The following EPHA6 variants were observed in gnomAD, a reference collection of about 807,000 sequenced individuals.
EPHA6 encodes the protein EPH receptor A6.
EPHA6 carries 50 observed loss-of-function variants against 112.0 expected under a neutral mutation model. That is an observed-to-expected ratio of 0.45 (90% CI 0.36 to 0.56). EPHA6 has a LOEUF of 0.56. EPHA6 is among the 20% of genes least tolerant of loss of function. The pLI is 0.00. For synonymous variants in EPHA6, 529 were observed against 490.7 expected, an observed-to-expected ratio of 1.08 and a Z score of -1.03; for missense variants, 1,280 against 1,417.4, an observed-to-expected ratio of 0.90 and a Z score of 1.56.
At chr3:97,371,944 C>T (rs761738035) in intron 5 of EPHA6, among the ~76,000 whole-genome samples, 7 of 152,086 alleles carry the variant, frequency 4.6e-5, no homozygotes, top group Admixed American at 6.6e-5. Context: ...TTGGTCAGAA[C>T]GGTTGTCTGC....
chr3:96,875,538 GA>G, intron 2 of EPHA6, among the ~76,000 whole-genome samples: 1 of 152,170 alleles, frequency 6.6e-6, no homozygotes, highest in South Asian at 2.1e-4. Context: ...AAAAGTAACA[GA>G]AAAGCAGGTA....
chr3:97,107,064 G>A (rs2047590959), intron 3 of EPHA6, among the ~76,000 whole-genome samples: 1 of 151,978 alleles, frequency 6.6e-6, no homozygotes, highest in South Asian at 2.1e-4. Flanking sequence ...GGTATTTAAA[G>A]GTTGAATGAA....
At chr3:97,077,768 C>T (rs1230685433) in intron 3 of EPHA6, among the ~76,000 whole-genome samples, 3 of 152,036 alleles carry the variant, frequency 2.0e-5, no homozygotes, top group Non-Finnish European at 2.9e-5. Context: ...GTGTATGTGC[C>T]ACATTTTCTT....
At chr3:96,895,106 T>C (rs2038193205) in intron 2 of EPHA6, among the ~76,000 whole-genome samples, 1 of 152,160 alleles carries the variant, frequency 6.6e-6, no homozygotes. Flanking sequence ...CAGAAAGTAT[T>C]CCAGAAGGCA....
At chr3:97,019,749 A>C (rs2044387504) in intron 3 of EPHA6, among the ~76,000 whole-genome samples, 1 of 152,144 alleles carries the variant, frequency 6.6e-6, no homozygotes, top group Admixed American at 6.5e-5. Flanking sequence ...GATTTTTAAT[A>C]AACTCGAGAA....
At chr3:97,202,889 C>T (rs138742222) in intron 3 of EPHA6, among the ~76,000 whole-genome samples, 1 of 152,118 alleles carries the variant, frequency 6.6e-6, no homozygotes, top group Non-Finnish European at 1.5e-5. Flanking sequence ...AATATAGGAA[C>T]ATGTGATATG....
intron 3 of EPHA6, among the ~76,000 whole-genome samples, chr3:97,040,323 TA>T (rs2045268142): frequency 6.6e-6 from 1 of 152,000 alleles, no homozygotes; most frequent in African/African-American, 2.4e-5. Context: ...GTTAGTATTA[TA>T]AAATGGGTTT....
intron 11 of EPHA6, among the ~76,000 whole-genome samples, chr3:97,556,921 T>A (rs1014039311): frequency 6.6e-6 from 1 of 152,202 alleles, no homozygotes; most frequent in Non-Finnish European, 1.5e-5. Flanking sequence ...GGTGATAACC[T>A]CTGCTAAAAC....
chr3:96,908,990 G>A (rs576469524), intron 2 of EPHA6, among the ~76,000 whole-genome samples: 3 of 151,752 alleles, frequency 2.0e-5, no homozygotes, highest in Non-Finnish European at 4.4e-5. Flanking sequence ...AGGAGCCAAA[G>A]GTTTCTTTTG....
At chr3:96,920,193 T>A (rs2039688334) in intron 2 of EPHA6, among the ~76,000 whole-genome samples, 1 of 151,984 alleles carries the variant, frequency 6.6e-6, no homozygotes, top group Non-Finnish European at 1.5e-5. Context: ...TGTGCTTCTG[T>A]GAACTTTCAT....
intron 14 of EPHA6, among the ~76,000 whole-genome samples, chr3:97,718,630 A>T (rs1310222694): frequency 6.6e-6 from 1 of 152,010 alleles, no homozygotes; most frequent in African/African-American, 2.4e-5. Flanking sequence ...TCAAGAATGA[A>T]TTTTCTCCCC....
chr3:97,119,636 G>A (rs78646754), intron 3 of EPHA6, among the ~76,000 whole-genome samples: 44 of 152,088 alleles, frequency 2.9e-4, no homozygotes, highest in East Asian at 1.5e-3. Context: ...GGAGGATTCT[G>A]AGTGATTACT....
intron 3 of EPHA6, among the ~76,000 whole-genome samples, chr3:97,157,194 A>G (rs2076308458): frequency 6.6e-6 from 1 of 152,170 alleles, no homozygotes; most frequent in South Asian, 2.1e-4. Context: ...CAAACATGTC[A>G]CCATGAAGAT....
Position 97,638,005 on chromosome 3 carries a change from AACTT to A in EPHA6, c.2709_2712del (p.Asn903LysfsTer31). ...GGCTCGGAATATACTGGTCAATAGC[AACTT>A]AGTATGCAAAGTTTCTGATTTTGGT... On this transcript the variant is annotated frameshift_variant, in exon 14 of 18. Coordinates refer to ENST00000389672, the MANE Select transcript of EPHA6 (RefSeq NM_001080448.3). LOFTEE classifies it high-confidence loss of function. 6.2e-7 allele frequency: 1 copy of A among 1,613,942 alleles called. No homozygotes were observed. Among genetic ancestry groups the A allele is most frequent in the Non-Finnish European group, 8.5e-7 (1 of 1,179,840 alleles).
intron 5 of EPHA6, among the ~76,000 whole-genome samples, chr3:97,326,890 C>A (rs917807214): frequency 2.0e-5 from 3 of 152,066 alleles, no homozygotes; most frequent in South Asian, 4.1e-4. Context: ...CCTAACCAAT[C>A]CACTGATGCT....
rs891378066 is a variant in EPHA6 at position 97,201,110 on chromosome 3, C to T, written c.1115-25154C>T. ...TTCAATAACCATGCAAAATAAAAGC[C>T]AATGTATTAGCTTGACAATTGTTCT... On this transcript the variant is annotated intron_variant, in intron 3 of 17. Coordinates refer to ENST00000389672, the MANE Select transcript of EPHA6 (RefSeq NM_001080448.3). Among the ~76,000 whole-genome samples the T allele has an allele frequency of 5.3e-5, 8 of 152,006 alleles. 1 individual carries two copies. Among genetic ancestry groups the T allele is most frequent in the Admixed American group, 3.9e-4 (6 of 15,246 alleles).
In EPHA6 at chr3:97,481,648, C is replaced by T. The variant is rs1266533308; in HGVS notation, c.2074+2284C>T. On this transcript the variant is annotated intron_variant, in intron 9 of 17. Coordinates refer to ENST00000389672, the MANE Select transcript of EPHA6 (RefSeq NM_001080448.3). ...CCTAGGCCCGCCGCTTGGAGACGCC[C>T]CGCCCCCTGCCTTCAACGGCCGCCC... 3 of 428,380 alleles carry T rather than the reference C, an allele frequency of 7.0e-6. No homozygotes were observed. In the Admixed American group the frequency reaches 1.0e-4, roughly 15 times the overall value. The allele number at this position is 428,380 out of a possible 1,614,324, so 26.5% of individuals were successfully genotyped here. A position where few individuals can be genotyped will look rare whatever the true frequency, so the allele number is the denominator to read the frequency against.
chr3:97,561,183 G>A (rs1306141911), intron 11 of EPHA6, among the ~76,000 whole-genome samples: 1 of 151,950 alleles, frequency 6.6e-6, no homozygotes, highest in Non-Finnish European at 1.5e-5. Flanking sequence ...GTCTCTAAGT[G>A]TTCAAATGAA....
chr3:97,278,098 C>G (rs1288644242), intron 5 of EPHA6, among the ~76,000 whole-genome samples: 1 of 152,206 alleles, frequency 6.6e-6, no homozygotes, highest in African/African-American at 2.4e-5. Flanking sequence ...GTTTCTAACT[C>G]TTGGCTACTA....
Sources: gnomAD v4.1 joint callset for allele counts (sites outside exome capture counted in the v4.1 genomes callset) on GRCh38, gnomAD v4.1.1 for gene constraint, MANE v1.5 for transcripts, NCBI Gene and HGNC (gene_info 2026-07-23, HGNC 2026-07-21) for gene names.